Variants in KLHL8 observed in about 807,000 individuals in gnomAD.
KLHL8 encodes kelch-like protein 8.
In KLHL8, 38 loss-of-function variants were observed where a neutral mutation model predicts 63.5. That is an observed-to-expected ratio of 0.60 (90% CI 0.46 to 0.78). The LOEUF is 0.78. Among genes scored for constraint, KLHL8 ranks in the 30% least tolerant of loss-of-function variants. The probability of loss-of-function intolerance (pLI) is 0.00; values close to 1 mark genes in which losing one functional copy is unlikely to be tolerated. For missense variants in KLHL8, 566 were observed against 752.4 expected, an observed-to-expected ratio of 0.75 and a Z score of 2.90; for synonymous variants, 224 against 254.3, an observed-to-expected ratio of 0.88 and a Z score of 1.13.
chr4:87,207,920 A>G lies in KLHL8; in HGVS notation c.-151-12230T>C, dbSNP rs183526386. On this transcript the variant is annotated intron_variant, in intron 1 of 9. Coordinates refer to ENST00000273963, the MANE Select transcript of KLHL8 (RefSeq NM_020803.5). ...AAGGGCATCCTGGGCTACACTGAGC[A>G]CCAGGCTGTCTCCTCCAACTTCAAC... 4.9e-3 allele frequency: 6,238 copies of G among 1,266,112 alleles called. 19 individuals carry two copies. The highest frequency in any genetic ancestry group is 6.1e-3 in the Non-Finnish European group (5,358 of 876,534). The allele number at this position is 1,266,112 out of a possible 1,614,324, so 78.4% of individuals were successfully genotyped here.
intron 1 of KLHL8, among the ~76,000 whole-genome samples, chr4:87,199,273 AT>A (rs1490931597): frequency 2.0e-5 from 3 of 152,134 alleles, no homozygotes; most frequent in Non-Finnish European, 2.9e-5. Context: ...CTATATAAAA[AT>A]ATTCCATGCA....
At chr4:87,234,480 C>T (rs927268964) in intron 1 of KLHL8, among the ~76,000 whole-genome samples, 13 of 151,592 alleles carry the variant, frequency 8.6e-5, no homozygotes, top group African/African-American at 3.1e-4. Flanking sequence ...AAATTCCTAT[C>T]CCTTAGTGAC....
chr4:87,180,078 C>G (rs1437852100), intron 4 of KLHL8, among the ~76,000 whole-genome samples: 3 of 152,210 alleles, frequency 2.0e-5, no homozygotes, highest in Non-Finnish European at 4.4e-5. Context: ...GCATAAAGGT[C>G]TTCCAGGATC....
At chr4:87,217,395 G>A (rs1042902362) in intron 1 of KLHL8, among the ~76,000 whole-genome samples, 2 of 152,052 alleles carry the variant, frequency 1.3e-5, no homozygotes, top group African/African-American at 4.8e-5. Flanking sequence ...GTGCAGTGAT[G>A]CAATCATGGC....
intron 4 of KLHL8, among the ~76,000 whole-genome samples, chr4:87,182,216 G>A (rs1036098637): frequency 1.7e-5 from 2 of 115,482 alleles, no homozygotes; most frequent in African/African-American, 6.9e-5. Context: ...CTGGGCGACA[G>A]AGACTCCGTC....
In KLHL8 at chr4:87,163,422, G is replaced by T; in HGVS notation, c.*97C>A. The stretch of plus-strand genomic sequence containing the variant: ...CAGTTAACATTTAAATAAGACTCTA[G>T]TTGCAGTAAAAAGTGTTGAAAGGTG... On this transcript the variant is annotated 3_prime_UTR_variant, in exon 10 of 10. Coordinates refer to ENST00000273963, the MANE Select transcript of KLHL8 (RefSeq NM_020803.5). The T allele has an allele frequency of 1.6e-6, 2 of 1,216,884 alleles. No individual in the cohort carries two copies. Among genetic ancestry groups the T allele is most frequent in the Non-Finnish European group, 1.2e-6 (1 of 859,164 alleles). The allele number at this position is 1,216,884 out of a possible 1,614,324, so 75.4% of individuals were successfully genotyped here. A position where few individuals can be genotyped will look rare whatever the true frequency, so the allele number is the denominator to read the frequency against.
At chr4:87,200,138 C>CAAA (rs61605160) in intron 1 of KLHL8, among the ~76,000 whole-genome samples, 45 of 73,660 alleles carry the variant, frequency 6.1e-4, no homozygotes, top group Non-Finnish European at 7.2e-4. Context: ...GAGACTGCCT[C>CAAA]AAAAAAAAAA....
intron 1 of KLHL8, among the ~76,000 whole-genome samples, chr4:87,201,923 G>C (rs1048708167): frequency 7.9e-5 from 12 of 151,958 alleles, no homozygotes; most frequent in East Asian, 5.8e-4. Context: ...AGAAAATTAT[G>C]TGCTTACATC....
At chr4:87,186,311 G>C (rs943739271) in intron 2 of KLHL8, among the ~76,000 whole-genome samples, 1 of 152,006 alleles carries the variant, frequency 6.6e-6, no homozygotes, top group Non-Finnish European at 1.5e-5. Context: ...GCCTCCCAAA[G>C]TGCTGGGATT....
rs1730132374 is a variant in KLHL8 at position 87,160,867 on chromosome 4, G to T, written c.*2652C>A. The T allele has an allele frequency of 6.6e-6, 1 of 152,072 alleles. No individual in the cohort carries two copies. The highest frequency in any genetic ancestry group is 1.5e-5 in the Non-Finnish European group (1 of 68,012). 9.4% of individuals were successfully genotyped at this position (152,072 alleles called of 1,614,324 possible). A position where few individuals can be genotyped will look rare whatever the true frequency, so the allele number is the denominator to read the frequency against. ...GCTGTTAACATATGAGGTTAAAGTG[G>T]TAAGTCTCACAATAAAGTAGCCATC... is the stretch of plus-strand genomic sequence containing the variant. On this transcript the variant is annotated 3_prime_UTR_variant, in exon 10 of 10. Coordinates refer to ENST00000273963, the MANE Select transcript of KLHL8 (RefSeq NM_020803.5).
At chr4:87,192,168 A>G (rs933731683) in intron 2 of KLHL8, among the ~76,000 whole-genome samples, 7 of 152,186 alleles carry the variant, frequency 4.6e-5, no homozygotes, top group Admixed American at 2.0e-4. Context: ...TTCAAGTCTC[A>G]GTTCTTTGAG....
chr4:87,160,890 ATCT>A lies in KLHL8; in HGVS notation c.*2626_*2628del, dbSNP rs1730133327. On this transcript the variant is annotated 3_prime_UTR_variant, in exon 10 of 10. Transcript: ENST00000273963. ...TGGTAAGTCTCACAATAAAGTAGCC[ATCT>A]TCTTTGAATATTTCATCTCTTCATT... 6.6e-6 allele frequency: 1 copy of A among 152,196 alleles called. No individual in the cohort carries two copies. The highest frequency in any genetic ancestry group is 2.4e-5 in the African/African-American group (1 of 41,452). The allele number at this position is 152,196 out of a possible 1,614,324, so 9.4% of individuals were successfully genotyped here.
At chr4:87,207,747 C>A (rs1291898531) in intron 1 of KLHL8, 2 of 861,510 alleles carry the variant, frequency 2.3e-6, no homozygotes, top group Non-Finnish European at 4.0e-6. Context: ...GAAAGGCCCT[C>A]TCTGAGCTGA....
chr4:87,207,734 T>C (rs1319803469), intron 1 of KLHL8: 2 of 866,006 alleles, frequency 2.3e-6, no homozygotes, highest in Non-Finnish European at 3.9e-6. Flanking sequence ...GCCAAGGCTG[T>C]GGGAAAGGCC....
At chr4:87,211,832 G>C (rs1024423647) in intron 1 of KLHL8, among the ~76,000 whole-genome samples, 12 of 152,168 alleles carry the variant, frequency 7.9e-5, no homozygotes, top group African/African-American at 2.4e-4. Context: ...ACTGATTAGA[G>C]AGGTCACTGG....
intron 1 of KLHL8, among the ~76,000 whole-genome samples, chr4:87,204,836 C>A (rs1466245553): frequency 1.3e-5 from 2 of 151,900 alleles, no homozygotes; most frequent in Admixed American, 6.5e-5. Flanking sequence ...TAAAAGGAGA[C>A]GGCAAAAAGA....
At chr4:87,224,018 G>C (rs904421216), upstream of KLHL8, among the ~76,000 whole-genome samples, 1 of 151,694 alleles carries the variant, frequency 6.6e-6, no homozygotes, top group African/African-American at 2.4e-5. Flanking sequence ...TTGTACTTTA[G>C]TCAGAAAAAA....
At chr4:87,196,313 G>A (rs1267001645) in intron 1 of KLHL8, among the ~76,000 whole-genome samples, 1 of 152,032 alleles carries the variant, frequency 6.6e-6, no homozygotes, top group Non-Finnish European at 1.5e-5. Context: ...TGAAATTACT[G>A]GAATAGAGAT....
chr4:87,219,652 C>T (rs1732743407), intron 1 of KLHL8: 1 of 152,320 alleles, frequency 6.6e-6, no homozygotes, highest in African/African-American at 2.4e-5. Flanking sequence ...AGCCAAATCG[C>T]TCTCTCTGAA....
Sources: allele counts gnomAD v4.1 joint callset (sites outside exome capture counted in the v4.1 genomes callset), GRCh38; gene constraint gnomAD v4.1.1; transcripts MANE v1.5; gene names NCBI Gene and HGNC (gene_info 2026-07-23, HGNC 2026-07-21).